REXO5: variants seen among roughly 807,000 people sequenced by gnomAD.
REXO5 encodes RNA exonuclease 5.
Under a neutral mutation model 88.5 loss-of-function variants are expected in REXO5, and 48 were observed. That is an observed-to-expected ratio of 0.54 (90% CI 0.43 to 0.69). The LOEUF (loss-of-function observed/expected upper bound fraction) is 0.69, where lower values mean the gene tolerates loss of function less well. Ranked by LOEUF, REXO5 falls within the 30% of genes least tolerant of loss-of-function variation. The probability of loss-of-function intolerance (pLI) is 0.00; values close to 1 mark genes in which losing one functional copy is unlikely to be tolerated. For missense variants in REXO5, 749 were observed against 912.2 expected (o/e 0.82, Z 2.30); for synonymous variants, 311 against 336.5 (o/e 0.92, Z 0.83).
chr16:20,826,772 A>G (rs1240703112), intron 8 of REXO5, among the ~76,000 whole-genome samples: 1 of 152,256 alleles, frequency 6.6e-6, no homozygotes, highest in East Asian at 1.9e-4. Flanking sequence ...TATAAATGAT[A>G]GATTCATTGT....
chr16:20,844,253 A>G (rs1425968147), intron 16 of REXO5, among the ~76,000 whole-genome samples: 1 of 152,184 alleles, frequency 6.6e-6, no homozygotes, highest in Non-Finnish European at 1.5e-5. Context: ...TCTTCCTTGC[A>G]TTCTTTGTTA....
intron 13 of REXO5, among the ~76,000 whole-genome samples, chr16:20,838,675 C>G (rs2081476550): frequency 6.6e-6 from 1 of 152,200 alleles, no homozygotes; most frequent in African/African-American, 2.4e-5. Flanking sequence ...TACTGCAGCT[C>G]TAACATGCCA....
chr16:20,833,758 A>G (rs568727737), intron 13 of REXO5, among the ~76,000 whole-genome samples: 1 of 152,294 alleles, frequency 6.6e-6, no homozygotes, highest in South Asian at 2.1e-4. Context: ...AGTAAGCTGC[A>G]TATATCATGG....
intron 11 of REXO5, among the ~76,000 whole-genome samples, chr16:20,830,039 G>T (rs2081317799): frequency 1.3e-5 from 2 of 152,148 alleles, no homozygotes; most frequent in Admixed American, 6.5e-5. Flanking sequence ...ATATGTATTG[G>T]TGTCTGCTAA....
chr16:20,845,159 G>A lies in REXO5; in HGVS notation c.2042G>A (p.Trp681Ter). 6.2e-7 allele frequency: 1 copy of A among 1,614,134 alleles called. No individual in the cohort carries two copies. Among genetic ancestry groups the A allele is most frequent in the Non-Finnish European group, 8.5e-7 (1 of 1,180,022 alleles). Residue 681 changes from tryptophan to a stop codon, truncating the protein, a stop_gained, in exon 18 of 20, where the codon TGG becomes TAG. Coordinates refer to ENST00000261377, the MANE Select transcript of REXO5 (RefSeq NM_030941.3). LOFTEE classifies it high-confidence loss of function. Reference protein sequence around the residue: ...HALTPRHLHAWLRGLPPESTR... With the variant: ...HALTPRHLHA ...CTAACCCCCAGGCACCTCCATGCCT[G>A]GCTCAGAGGCTTACCACCTGAATCA... is the stretch of plus-strand genomic sequence containing the variant.
rs547938625 is a variant in REXO5 at position 20,848,462 on chromosome 16, A to G, written c.2244-937A>G. 1.2e-3 allele frequency among the ~76,000 whole-genome samples: 186 copies of G among 152,194 alleles called. 3 individuals carry two copies. Among genetic ancestry groups the G allele is most frequent in the African/African-American group, 2.2e-3 (90 of 41,528 alleles). On this transcript the variant is annotated intron_variant, in intron 19 of 19. Coordinates refer to ENST00000261377, the MANE Select transcript of REXO5 (RefSeq NM_030941.3). ...TGGAGAAAAAGTCTCAGATTAACCAATTTTCCTAGGGTCACATAGCTAGTA... is the reference window on the plus strand; with the variant it reads ...TGGAGAAAAAGTCTCAGATTAACCAGTTTTCCTAGGGTCACATAGCTAGTA...
At chr16:20,822,676 T>C (rs2081202984) in intron 6 of REXO5, among the ~76,000 whole-genome samples, 1 of 152,256 alleles carries the variant, frequency 6.6e-6, no homozygotes, top group South Asian at 2.1e-4. Flanking sequence ...ATGTGGGCTT[T>C]GTGACTGGCT....
intron 19 of REXO5, among the ~76,000 whole-genome samples, chr16:20,848,721 T>C (rs1448413394): frequency 1.3e-5 from 2 of 152,228 alleles, no homozygotes; most frequent in Non-Finnish European, 2.9e-5. Context: ...GGCAGGGAAC[T>C]AACAAGTATT....
At chr16:20,841,861 G>A (rs1465820184) in intron 15 of REXO5, among the ~76,000 whole-genome samples, 1 of 152,114 alleles carries the variant, frequency 6.6e-6, no homozygotes, top group Admixed American at 6.5e-5. Context: ...CTCCCAAAGT[G>A]CTGGGATTAC....
chr16:20,847,261 CAAAAAAAAAAACA>C (rs2081621053), intron 19 of REXO5, among the ~76,000 whole-genome samples: 1 of 138,318 alleles, frequency 7.2e-6, no homozygotes. Context: ...AACACACACA[CAAAAAAAAAAACA>C]AAAAAAAAAA....
chr16:20,848,515 T>C (rs2081644781), intron 19 of REXO5, among the ~76,000 whole-genome samples: 1 of 152,178 alleles, frequency 6.6e-6, no homozygotes, highest in Non-Finnish European at 1.5e-5. Flanking sequence ...TGTACCCTGA[T>C]GGTGTGTCTG....
chr16:20,848,504 T>G (rs1183123941), intron 19 of REXO5, among the ~76,000 whole-genome samples: 1 of 152,194 alleles, frequency 6.6e-6, no homozygotes, highest in Non-Finnish European at 1.5e-5. Context: ...TAGTCAGGAC[T>G]TGTACCCTGA....
In REXO5 at chr16:20,830,101, C is replaced by T. The variant is rs531990934; in HGVS notation, c.1158+1564C>T. Among the ~76,000 whole-genome samples, 4 of 152,346 alleles carry T rather than the reference C, an allele frequency of 2.6e-5. No individual in the cohort carries two copies. In the South Asian group the frequency reaches 8.3e-4, roughly 32 times the overall value. On this transcript the variant is annotated intron_variant, in intron 11 of 19. Transcript: ENST00000261377. ...TTCTAAAACCCTTTTGGTCTCATGACTCTTTTTATATTGTTACCCACACAA... is the reference window on the plus strand; with the variant it reads ...TTCTAAAACCCTTTTGGTCTCATGATTCTTTTTATATTGTTACCCACACAA...
chr16:20,842,588 C>T (rs1392671097), intron 15 of REXO5, among the ~76,000 whole-genome samples: 1 of 151,800 alleles, frequency 6.6e-6, no homozygotes, highest in Admixed American at 6.6e-5. Flanking sequence ...AATCCTCCCA[C>T]CTCAGCCTCC....
intron 1 of REXO5, 60 bp from the exon 2 acceptor site, chr16:20,806,892 G>A (rs908176883): frequency 1.3e-6 from 2 of 1,526,718 alleles, no homozygotes; most frequent in Admixed American, 2.1e-5. Context: ...GCTAGGAGGC[G>A]GCACGCGGGG....
intron 13 of REXO5, among the ~76,000 whole-genome samples, chr16:20,835,669 G>A (rs1241492236): frequency 6.7e-6 from 1 of 149,958 alleles, no homozygotes; most frequent in Non-Finnish European, 1.5e-5. Flanking sequence ...CACTTACATG[G>A]GCCTCAAGGG....
intron 15 of REXO5, among the ~76,000 whole-genome samples, chr16:20,842,707 G>A (rs936599844): frequency 5.3e-5 from 8 of 151,938 alleles, no homozygotes; most frequent in Non-Finnish European, 1.5e-5. Flanking sequence ...CACCCACCTT[G>A]GCCTCCCAAA....
At chr16:20,816,911 G>C (rs965827510) in intron 5 of REXO5, among the ~76,000 whole-genome samples, 2 of 152,208 alleles carry the variant, frequency 1.3e-5, no homozygotes, top group Non-Finnish European at 2.9e-5. Context: ...TGAAGAATAG[G>C]CAGGAGGTTT....
At chr16:20,826,142 T>A (rs2081257393) in intron 8 of REXO5, among the ~76,000 whole-genome samples, 194 bp downstream of exon 8, 2 of 152,242 alleles carry the variant, frequency 1.3e-5, no homozygotes, top group African/African-American at 4.8e-5. Flanking sequence ...CCCTTCTTGA[T>A]CTTCAATCTT....
Sources: gnomAD v4.1 joint callset for allele counts (sites outside exome capture counted in the v4.1 genomes callset) on GRCh38, gnomAD v4.1.1 for gene constraint, MANE v1.5 for transcripts, NCBI Gene and HGNC (gene_info 2026-07-23, HGNC 2026-07-21) for gene names.